The following CUX2 variants were observed in gnomAD, a reference collection of about 807,000 sequenced individuals.
CUX2 encodes cut like homeobox 2, also known as homeobox protein cut-like 2.
CUX2 carries 40 observed loss-of-function variants against 144.8 expected under a neutral mutation model. The observed-to-expected ratio is 0.28, with a 90% CI of 0.21 to 0.36. The LOEUF (loss-of-function observed/expected upper bound fraction) is 0.36, where lower values mean the gene tolerates loss of function less well. CUX2 is among the 10% of genes least tolerant of loss of function. The pLI, the probability that CUX2 is intolerant of heterozygous loss-of-function variation, is 1.00. For missense variants in CUX2, 1,615 were observed against 1,994.0 expected, an observed-to-expected ratio of 0.81 and a Z score of 3.62; for synonymous variants, 827 against 875.6, an observed-to-expected ratio of 0.94 and a Z score of 0.98.
At chr12:111,284,948 C>T (rs1313394630) in intron 4 of CUX2, among the ~76,000 whole-genome samples, 1 of 152,188 alleles carries the variant, frequency 6.6e-6, no homozygotes, top group Non-Finnish European at 1.5e-5. Flanking sequence ...TCCACCCCTC[C>T]TGGTTGCTTC....
rs1288245496 is a variant in CUX2 at position 111,068,367 on chromosome 12, G to A, written c.63+34127G>A. ...GGAAAAGTGCTTCCTGTGGATGAAT[G>A]ACATCTGTATGAAAAGCCAGCCAGC... On this transcript the variant is annotated intron_variant, in intron 1 of 21. Transcript: ENST00000261726. The surrounding 1 kb of genome is among the most constrained non-coding windows in gnomAD (Gnocchi z 4.9). Among the ~76,000 whole-genome samples the A allele has an allele frequency of 1.3e-5, 2 of 152,224 alleles. No homozygotes were observed. Among genetic ancestry groups the A allele is most frequent in the East Asian group, 1.9e-4 (1 of 5,204 alleles).
intron 3 of CUX2, among the ~76,000 whole-genome samples, chr12:111,230,711 C>T (rs894103415): frequency 6.6e-6 from 1 of 152,212 alleles, no homozygotes; most frequent in Non-Finnish European, 1.5e-5. Context: ...TGAAACTCAC[C>T]ATCTAGCGGA....
rs1887485119 is a variant in CUX2, at chr12:111,320,746, G to A, written c.2737G>A (p.Gly913Ser). ...RQVKEKLAKN[G>S]ICQRIFGEKV... The stretch of plus-strand genomic sequence containing the variant: ...GGTCAAGGAGAAGCTGGCCAAGAAC[G>A]GCATCTGCCAGAGGATCTTCGGGGA... Residue 913 changes from glycine to serine, a missense_variant, in exon 17 of 22, where the codon GGC (glycine) becomes AGC (serine). This residue lies in a region of CUX2 where 390 missense variants were observed against 387.1 expected (regional missense o/e 1.01). Transcript: ENST00000261726. The surrounding 1 kb of genome is among the most constrained non-coding windows in gnomAD (Gnocchi z 8.1). The A allele has an allele frequency of 5.7e-6, 9 of 1,579,112 alleles. No homozygotes were observed. The highest frequency in any genetic ancestry group is 7.7e-6 in the Non-Finnish European group (9 of 1,169,238).
At chr12:111,137,226 C>T (rs1486365241) in intron 1 of CUX2, among the ~76,000 whole-genome samples, 2 of 151,970 alleles carry the variant, frequency 1.3e-5, no homozygotes, top group Non-Finnish European at 2.9e-5. Context: ...TGAGCCACCA[C>T]TCCCATCCAA....
rs1885904505 is a variant in CUX2, at chr12:111,295,149, A to G, written c.561-184A>G. Among the ~76,000 whole-genome samples, 2 of 152,344 alleles carry G rather than the reference A, an allele frequency of 1.3e-5. No homozygotes were observed. The stretch of plus-strand genomic sequence containing the variant: ...AACAGGAGCAGCCATGACAGGGTCC[A>G]CATAGGCAGTGGAGCAGCAGGACAG... On this transcript the variant is annotated intron_variant, in intron 6 of 21. Transcript: ENST00000261726. This position sits in a 1 kb window ranked among gnomAD's most constrained non-coding sequence, Gnocchi z 5.0.
At chr12:111,104,475 G>T (rs990272070) in intron 1 of CUX2, among the ~76,000 whole-genome samples, 10 of 152,228 alleles carry the variant, frequency 6.6e-5, no homozygotes, top group Non-Finnish European at 1.2e-4. Context: ...CACTGGCCAG[G>T]TGGGGAGCTG....
chr12:111,096,560 T>C (rs1872828556), intron 1 of CUX2, among the ~76,000 whole-genome samples: 1 of 152,218 alleles, frequency 6.6e-6, no homozygotes, highest in African/African-American at 2.4e-5. Context: ...CCCGTGGTCC[T>C]GTCCCTCTTC....
At chr12:111,155,693 A>T (rs1457133359) in intron 1 of CUX2, among the ~76,000 whole-genome samples, 1 of 152,086 alleles carries the variant, frequency 6.6e-6, no homozygotes, top group Non-Finnish European at 1.5e-5. Flanking sequence ...AACCGCACAC[A>T]CCAACTCCTG....
At chr12:111,215,001 A>G (rs1044341133) in intron 2 of CUX2, among the ~76,000 whole-genome samples, 3 of 149,434 alleles carry the variant, frequency 2.0e-5, no homozygotes, top group African/African-American at 5.1e-5. Flanking sequence ...TGATGAGAAT[A>G]AACATAAATA....
At chr12:111,342,812 A>T (rs1322382042) in intron 21 of CUX2, among the ~76,000 whole-genome samples, 1 of 151,932 alleles carries the variant, frequency 6.6e-6, no homozygotes, top group Non-Finnish European at 1.5e-5. Context: ...TACAAAAATT[A>T]GCTGGACGTG....
At chr12:111,339,474 T>A (rs371098769) in intron 20 of CUX2, 1 of 152,090 alleles carries the variant, frequency 6.6e-6, no homozygotes, top group Admixed American at 6.6e-5. Flanking sequence ...GGCAAGGAGA[T>A]TGCAAGTTCT....
At position 111,310,516 on chromosome 12, in the gene CUX2, T is replaced by C. The variant is rs376202322; in HGVS notation, c.1734T>C (p.His578=). The change falls in exon 15 of 22, where the codon CAT becomes CAC. Residue 578 remains histidine, a synonymous_variant. Coordinates refer to ENST00000261726, the MANE Select transcript of CUX2 (RefSeq NM_015267.4). The surrounding 1 kb of genome is among the most constrained non-coding windows in gnomAD (Gnocchi z 7.9). ...KHNIGQRVFG[H]YVLGLSQGSV... ...ACATCGGGCAGCGGGTGTTTGGGCA[T>C]TACGTGCTGGGGCTGTCGCAGGGCT... The C allele has an allele frequency of 1.5e-4, 244 of 1,613,922 alleles. No homozygotes were observed. The highest frequency in any genetic ancestry group is 2.0e-4 in the Non-Finnish European group (236 of 1,180,018).
intron 4 of CUX2, 34 bp from the exon 5 acceptor site, chr12:111,291,384 C>T (rs1302252865): frequency 3.2e-6 from 5 of 1,570,100 alleles, no homozygotes; most frequent in Non-Finnish European, 4.3e-6. Flanking sequence ...ATCCATCAGG[C>T]CCTCACTATC....
chr12:111,321,083 G>A (rs1887504327), intron 17 of CUX2, among the ~76,000 whole-genome samples: 1 of 152,210 alleles, frequency 6.6e-6, no homozygotes, highest in African/African-American at 2.4e-5. Context: ...TGTAATCCCA[G>A]CACTTTGGGA....
chr12:111,140,989 G>T (rs1460241833), intron 1 of CUX2, among the ~76,000 whole-genome samples: 3 of 152,132 alleles, frequency 2.0e-5, no homozygotes, highest in Non-Finnish European at 2.9e-5. Flanking sequence ...ATTGAGAGGA[G>T]ATGGCACGTG....
chr12:111,259,031 CTGTGTGTG>C (rs57814010), intron 3 of CUX2, among the ~76,000 whole-genome samples: 5,875 of 132,270 alleles, frequency 0.044, 434 homozygotes, highest in African/African-American at 0.15. Context: ...CCACACCCAG[CTGTGTGTG>C]TGTGTGTGTG....
chr12:111,259,406 C>A (rs955672671), intron 3 of CUX2, among the ~76,000 whole-genome samples: 1 of 152,052 alleles, frequency 6.6e-6, no homozygotes, highest in Non-Finnish European at 1.5e-5. Context: ...AGTGACCATG[C>A]CTTTGTTCCA....
Position 111,322,300 on chromosome 12 carries a change from A to T in CUX2, c.2767-121A>T, listed in dbSNP as rs1177706817. ...GCCACTGCACTCCATCCTGGGCGAC[A>T]GACAAAGCGAGACTCTGCCTCAAAA... On this transcript the variant is annotated intron_variant, in intron 17 of 21. Coordinates refer to ENST00000261726, the MANE Select transcript of CUX2 (RefSeq NM_015267.4). The surrounding 1 kb of genome is among the most constrained non-coding windows in gnomAD (Gnocchi z 4.2). 7 of 1,126,702 alleles carry T rather than the reference A, an allele frequency of 6.2e-6. No homozygotes were observed. The highest frequency in any genetic ancestry group is 8.5e-6 in the Non-Finnish European group (7 of 825,828). 69.8% of individuals were successfully genotyped at this position (1,126,702 alleles called of 1,614,324 possible).
chr12:111,337,210 A>T (rs1375531574), intron 19 of CUX2, among the ~76,000 whole-genome samples: 1 of 151,750 alleles, frequency 6.6e-6, no homozygotes, highest in Non-Finnish European at 1.5e-5. Flanking sequence ...AAAATTAGCC[A>T]GGTGTGGTGG....
Sources: gnomAD v4.1 joint callset for allele counts (sites outside exome capture counted in the v4.1 genomes callset) on GRCh38, gnomAD v4.1.1 for gene constraint, gnomAD v4.1.1 regional missense constraint, Gnocchi (gnomAD v3.1) non-coding constraint, MANE v1.5 for transcripts, NCBI Gene and HGNC (gene_info 2026-07-23, HGNC 2026-07-21) for gene names.